Variants in FAP observed in about 807,000 individuals in gnomAD.
The protein encoded by FAP is prolyl endopeptidase FAP.
A neutral mutation model predicts 126.5 loss-of-function variants in FAP; 110 were observed. The ratio of observed to expected loss-of-function variants is 0.87; its 90% CI spans 0.74 to 1.02. The LOEUF is 1.02. Among genes scored for constraint, FAP ranks in the 50% least tolerant of loss-of-function variants. The pLI is 0.00. For synonymous variants in FAP, 334 were observed against 297.3 expected (o/e 1.12, Z -1.27); for missense variants, 919 against 909.2 (o/e 1.01, Z -0.14).
chr2:162,218,126 T>C lies in FAP; in HGVS notation c.622A>G (p.Thr208Ala), dbSNP rs1438551400. ...GGAGACCACCAGAGAGCATATTTTG[T>C]AGCAAGCATTTCCTCTGAAAAATAA... The part of the protein sequence containing the change: ...DWVYEEEMLA[T>A]KYALWWSPNG... The change falls in exon 9 of 26, where the codon ACA becomes GCA. Residue 208 changes from threonine to alanine, a missense_variant. Physicochemically the swap from Thr to Ala is moderately conservative, Grantham distance 58. Coordinates refer to ENST00000188790, the MANE Select transcript of FAP (RefSeq NM_004460.5). 2.5e-6 allele frequency: 4 copies of C among 1,602,528 alleles called. No homozygotes were observed. The highest frequency in any genetic ancestry group is 1.3e-5 in the African/African-American group (1 of 74,432).
chr2:162,198,274 G>A (rs1559772083), intron 16 of FAP: 34 of 1,289,812 alleles, frequency 2.6e-5, no homozygotes, highest in Non-Finnish European at 3.2e-5. Flanking sequence ...GGGCATCTCG[G>A]GTTTCCAAGC....
chr2:162,240,660 A>G (rs1159134892), intron 2 of FAP, among the ~76,000 whole-genome samples: 2 of 152,214 alleles, frequency 1.3e-5, no homozygotes, highest in East Asian at 3.8e-4. Flanking sequence ...TCTCAGAAGA[A>G]GACAGTTCAT....
chr2:162,204,808 A>G (rs1688637043), intron 12 of FAP, among the ~76,000 whole-genome samples: 1 of 152,192 alleles, frequency 6.6e-6, no homozygotes. Flanking sequence ...CACCACATTT[A>G]CCTAGAATCA....
chr2:162,240,186 A>G (rs112573285), intron 2 of FAP, among the ~76,000 whole-genome samples: 10 of 152,364 alleles, frequency 6.6e-5, no homozygotes, highest in African/African-American at 2.2e-4. Context: ...AGTAAGGGGT[A>G]GAAATTCATG....
intron 2 of FAP, among the ~76,000 whole-genome samples, chr2:162,230,540 A>C (rs933764426): frequency 3.9e-5 from 6 of 152,034 alleles, no homozygotes; most frequent in Admixed American, 2.0e-4. Context: ...TAAAAAAAAA[A>C]CCAACTTGAC....
chr2:162,213,989 G>A lies in FAP; in HGVS notation c.951C>T (p.Val317=), dbSNP rs1019400466. The change falls in exon 11 of 26, where the codon GTC becomes GTT. Residue 317 remains valine (V), a synonymous_variant. Transcript: ENST00000188790. ...QWLKRVQNVS[V]LSICDFREDW... ...CTTCCCTGAAGTCACATATAGACAG[G>A]ACCGAAACATTCTGGACTCTTTTTA... The A allele has an allele frequency of 1.9e-6, 3 of 1,613,970 alleles. No homozygotes were observed. The highest frequency in any genetic ancestry group is 1.7e-5 in the Admixed American group (1 of 60,020).
intron 16 of FAP, 43 bp from the exon 17 acceptor site, chr2:162,194,791 T>TA: frequency 6.3e-7 from 1 of 1,575,456 alleles, no homozygotes; most frequent in Admixed American, 1.7e-5. Flanking sequence ...AGTGTTAAAA[T>TA]AACAATTCCT....
chr2:162,214,993 T>C (rs1319133989), intron 10 of FAP, among the ~76,000 whole-genome samples: 1 of 152,156 alleles, frequency 6.6e-6, no homozygotes, highest in African/African-American at 2.4e-5. Context: ...CTCCTTGTGT[T>C]ATGCTCATTT....
chr2:162,175,876 C>T (rs947993718), intron 21 of FAP: 3 of 152,070 alleles, frequency 2.0e-5, no homozygotes, highest in African/African-American at 7.2e-5. Flanking sequence ...GAGAGAGGTG[C>T]TTCTCCTGGG....
intron 2 of FAP, among the ~76,000 whole-genome samples, chr2:162,239,959 C>G (rs1241724048): frequency 6.6e-6 from 1 of 152,166 alleles, no homozygotes; most frequent in Non-Finnish European, 1.5e-5. Context: ...TCTGTTAAAT[C>G]TCTTGAAGCA....
chr2:162,193,662 T>C (rs1319302696), intron 17 of FAP: 1 of 152,218 alleles, frequency 6.6e-6, no homozygotes, highest in Admixed American at 6.5e-5. Context: ...CTTAAAAGTA[T>C]TTCCTTATTA....
At chr2:162,174,719 T>A (rs1687426741) in intron 22 of FAP, 148 bp downstream of exon 22, 3 of 544,840 alleles carry the variant, frequency 5.5e-6, no homozygotes. Flanking sequence ...TTATAATAAA[T>A]GATATAAACA....
At chr2:162,200,416 A>G in intron 15 of FAP, 150 bp downstream of exon 15, 1 of 570,758 alleles carries the variant, frequency 1.8e-6, no homozygotes, top group Non-Finnish European at 3.1e-6. Context: ...TGTGTTTTTT[A>G]TACCCATTCT....
At chr2:162,183,597 A>G in intron 20 of FAP, 129 bp from the exon 21 acceptor site, 4 of 635,772 alleles carry the variant, frequency 6.3e-6, no homozygotes, top group Non-Finnish European at 1.1e-5. Flanking sequence ...CACATGCATA[A>G]TAAGCCTGCA....
intron 20 of FAP, among the ~76,000 whole-genome samples, chr2:162,185,357 C>T (rs750852246): frequency 2.0e-5 from 3 of 152,118 alleles, no homozygotes; most frequent in Non-Finnish European, 2.9e-5. Context: ...TGTAATTCTT[C>T]CCCACCACTA....
chr2:162,194,199 C>T (rs890258236), intron 17 of FAP: 1 of 152,154 alleles, frequency 6.6e-6, no homozygotes. Flanking sequence ...ACAAAAAAAG[C>T]TGGTGTGACA....
At chr2:162,203,000 G>A (rs776372018) in intron 13 of FAP, 41 bp downstream of exon 13, 1 of 1,583,390 alleles carries the variant, frequency 6.3e-7, no homozygotes, top group African/African-American at 1.3e-5. Context: ...GCAACCTCAA[G>A]TGAATGATCT....
chr2:162,227,671 C>T (rs964666312), intron 2 of FAP, among the ~76,000 whole-genome samples: 9 of 152,164 alleles, frequency 5.9e-5, no homozygotes, highest in African/African-American at 1.9e-4. Flanking sequence ...CATGACTCTT[C>T]CAGTAAAGAC....
At chr2:162,224,592 T>C (rs1275538056) in intron 4 of FAP, 52 bp from the exon 5 acceptor site, 1 of 1,117,312 alleles carries the variant, frequency 9.0e-7, no homozygotes. Context: ...CAAAGAACCA[T>C]GTAAATTTGT....
Sources: gnomAD v4.1 joint callset for allele counts (sites outside exome capture counted in the v4.1 genomes callset) on GRCh38, gnomAD v4.1.1 for gene constraint, MANE v1.5 for transcripts, NCBI Gene and HGNC (gene_info 2026-07-23, HGNC 2026-07-21) for gene names.